Variants in ZIC5 observed in about 807,000 individuals in gnomAD.
ZIC5 encodes the protein zinc finger protein ZIC 5.
In ZIC5, 20 loss-of-function variants were observed where a neutral mutation model predicts 28.5. The observed-to-expected ratio is 0.70, with a 90% CI of 0.49 to 1.02. The LOEUF (loss-of-function observed/expected upper bound fraction) is 1.02, where lower values mean the gene tolerates loss of function less well. ZIC5 is among the 50% of genes least tolerant of loss of function. The probability of loss-of-function intolerance (pLI) is 0.00; values close to 1 mark genes in which losing one functional copy is unlikely to be tolerated. For missense variants in ZIC5, 951 were observed against 899.7 expected, an observed-to-expected ratio of 1.06 and a Z score of -0.73; for synonymous variants, 488 against 410.4, an observed-to-expected ratio of 1.19 and a Z score of -2.29.
In ZIC5 at chr13:99,971,353, G is replaced by A; in HGVS notation, c.251C>T (p.Ser84Phe). 7.0e-7 allele frequency: 1 copy of A among 1,436,150 alleles called. No homozygotes were observed. 89.0% of individuals were successfully genotyped at this position (1,436,150 alleles called of 1,614,324 possible). Residue 84 changes from serine to phenylalanine, a missense_variant, in exon 1 of 2, where the codon TCC (serine) becomes TTC (phenylalanine). Coordinates refer to ENST00000267294, the MANE Select transcript of ZIC5 (RefSeq NM_033132.5). ...CTCCGGGTGTGCCGGGAACGCCTGG[G>A]AGGGAGGGCTGAGGCCCAGCGTGCT... ...QASTLGLSPP[S>F]QAFPAHPEAP...
In ZIC5 at chr13:99,971,156, C is replaced by CA. The variant is rs1566399322; in HGVS notation, c.447dup (p.Ala150CysfsTer122). 5.0e-6 allele frequency: 6 copies of CA among 1,208,534 alleles called. No homozygotes were observed. The highest frequency in any genetic ancestry group is 6.2e-6 in the Non-Finnish European group (6 of 970,932). The allele number at this position is 1,208,534 out of a possible 1,614,324, so 74.9% of individuals were successfully genotyped here. On this transcript the variant is annotated frameshift_variant, in exon 1 of 2. Transcript: ENST00000267294. LOFTEE classifies it high-confidence loss of function. Reference sequence around the variant, plus strand: ...TTGGTGGTGGTGTAGCCCGAGAGGGCAGGAGGAGGAGGAGGCGGGGGAGGG... The same window carrying CA: ...TTGGTGGTGGTGTAGCCCGAGAGGGCAAGGAGGAGGAGGAGGCGGGGGAGGG...
Position 99,971,425 on chromosome 13 carries a change from G to T in ZIC5, c.179C>A (p.Pro60His). The T allele has an allele frequency of 6.5e-7, 1 of 1,536,520 alleles. No homozygotes were observed. The change falls in exon 1 of 2, where the codon CCC becomes CAC. Residue 60 changes from proline (P) to histidine (H), a missense_variant. By Grantham distance (77) the Pro-to-His change is moderately conservative (BLOSUM62 -2). Around this residue, in one of 3 missense-constraint regions of ZIC5, gnomAD observed 784 missense variants for 660.1 expected, o/e 1.19. Transcript: ENST00000267294. The part of the protein sequence containing the change: ...HLRLRDLGAD[P>H]GVATTPLGPE... ...TCCGAGCGGAGTGGTGGCCACGCCG[G>T]GGTCAGCGCCCAGGTCCCGCAGGCG...
In ZIC5 at chr13:99,964,287, C is replaced by T. The variant is rs1300691328; in HGVS notation, c.*1090G>A. On this transcript the variant is annotated 3_prime_UTR_variant, in exon 2 of 2. Coordinates refer to ENST00000267294, the MANE Select transcript of ZIC5 (RefSeq NM_033132.5). ...ATTGAAAAATAGACTTTTTAAAAGG[C>T]TGATACAACAGTATAAAAGAGGTGT... 9 of 152,218 alleles carry T rather than the reference C, an allele frequency of 5.9e-5. 1 individual carries two copies. The highest frequency in any genetic ancestry group is 3.9e-4 in the East Asian group (2 of 5,182). The allele number at this position is 152,218 out of a possible 1,614,324, so 9.4% of individuals were successfully genotyped here.
Position 99,970,957 on chromosome 13 carries a change from A to T in ZIC5, c.647T>A (p.Met216Lys). ...GTAGGTGCCGCTGGCGGAGATGAAC[A>T]TGCCGGCCGAGTGGGGAGGCGGGGC... ...HPAPPPHSAGMFISASGTYAG... is the reference protein window; with the variant it reads ...HPAPPPHSAGKFISASGTYAG... Residue 216 changes from methionine (M) to lysine (K), a missense_variant, in exon 1 of 2, where the codon ATG (methionine) becomes AAG (lysine). This residue lies in a region of ZIC5 where 784 missense variants were observed against 660.1 expected (regional missense o/e 1.19). Transcript: ENST00000267294. The T allele has an allele frequency of 3.6e-6, 5 of 1,397,910 alleles. No individual in the cohort carries two copies. Among genetic ancestry groups the T allele is most frequent in the Non-Finnish European group, 4.6e-6 (5 of 1,087,688 alleles). The allele number at this position is 1,397,910 out of a possible 1,614,324, so 86.6% of individuals were successfully genotyped here.
rs1343458789 is a variant in ZIC5, at chr13:99,964,299, T to C, written c.*1078A>G. 1 of 152,110 alleles carries C rather than the reference T, an allele frequency of 6.6e-6. No individual in the cohort carries two copies. Among genetic ancestry groups the C allele is most frequent in the African/African-American group, 2.4e-5 (1 of 41,432 alleles). The allele number at this position is 152,110 out of a possible 1,614,324, so 9.4% of individuals were successfully genotyped here. A position where few individuals can be genotyped will look rare whatever the true frequency, so the allele number is the denominator to read the frequency against. On this transcript the variant is annotated 3_prime_UTR_variant, in exon 2 of 2. Coordinates refer to ENST00000267294, the MANE Select transcript of ZIC5 (RefSeq NM_033132.5). ...ACTTTTTAAAAGGCTGATACAACAGTATAAAAGAGGTGTTGGCCTGTTTTA... is the reference window on the plus strand; with the variant it reads ...ACTTTTTAAAAGGCTGATACAACAGCATAAAAGAGGTGTTGGCCTGTTTTA...
In ZIC5 at chr13:99,965,234, T is replaced by TATTTATTCAGTATTTA. The variant is rs2053090225; in HGVS notation, c.*142_*143insTAAATACTGAATAAAT. On this transcript the variant is annotated 3_prime_UTR_variant, in exon 2 of 2. Coordinates refer to ENST00000267294, the MANE Select transcript of ZIC5 (RefSeq NM_033132.5). ...AATTAAATGTACAAACACCATAGGG[T>TATTTATTCAGTATTTA]TTCATACTGAATAAATAGGGCTAAT... The TATTTATTCAGTATTTA allele has an allele frequency of 3.1e-6, 2 of 653,470 alleles. No homozygotes were observed. Among genetic ancestry groups the TATTTATTCAGTATTTA allele is most frequent in the Non-Finnish European group, 5.0e-6 (2 of 399,692 alleles). 40.5% of individuals were successfully genotyped at this position (653,470 alleles called of 1,614,324 possible).
At position 99,970,989 on chromosome 13, in the gene ZIC5, C is replaced by T. The variant is rs1256826566; in HGVS notation, c.615G>A (p.Gln205=). The T allele has an allele frequency of 7.1e-6, 10 of 1,404,028 alleles. No individual in the cohort carries two copies. The highest frequency in any genetic ancestry group is 9.2e-6 in the Non-Finnish European group (10 of 1,091,630). 87.0% of individuals were successfully genotyped at this position (1,404,028 alleles called of 1,614,324 possible). The change falls in exon 1 of 2, where the codon CAG becomes CAA. Residue 205 remains glutamine, a synonymous_variant. Transcript: ENST00000267294. ...GEQRSGTGSP[Q]HPAPPPHSAG... The stretch of plus-strand genomic sequence containing the variant: ...CCGAGTGGGGAGGCGGGGCCGGGTG[C>T]TGGGGGGAGCCGGTGCCGGACCGCT...
chr13:99,966,826 T>C (rs1487146812), intron 1 of ZIC5, among the ~76,000 whole-genome samples: 2 of 152,182 alleles, frequency 1.3e-5, no homozygotes, highest in Non-Finnish European at 2.9e-5. Flanking sequence ...ACTAGAGAAA[T>C]TCAGCCACAC....
chr13:99,971,280 G>T lies in ZIC5; in HGVS notation c.324C>A (p.Gly108=). 1.5e-6 allele frequency: 2 copies of T among 1,343,364 alleles called. No individual in the cohort carries two copies. The highest frequency in any genetic ancestry group is 6.2e-5 in the East Asian group (2 of 32,272). 83.2% of individuals were successfully genotyped at this position (1,343,364 alleles called of 1,614,324 possible). The change falls in exon 1 of 2, where the codon GGC becomes GGA. Residue 108 remains glycine, a synonymous_variant. Transcript: ENST00000267294. The part of the protein sequence containing the change: ...ARAAALVAHP[G]AGSYPCGGGS... ...CCCCGCCGCAGGGGTAGCTGCCCGC[G>T]CCGGGGTGCGCGACCAAGGCTGCAG...
chr13:99,970,740 G>C lies in ZIC5; in HGVS notation c.864C>G (p.His288Gln). Reference protein sequence around the residue: ...PPFAPRSGDAHYGAVAAAAAA... With the variant: ...PPFAPRSGDAQYGAVAAAAAA... Reference sequence around the variant, plus strand: ...CCGCTGCGGCCGCAACCGCCCCGTAGTGCGCGTCCCCAGAGCGCGGCGCGA... The same window carrying C: ...CCGCTGCGGCCGCAACCGCCCCGTACTGCGCGTCCCCAGAGCGCGGCGCGA... The change falls in exon 1 of 2, where the codon CAC (histidine) becomes CAG (glutamine). Residue 288 changes from histidine to glutamine, a missense_variant. Physicochemically the swap from His to Gln is conservative, Grantham distance 24. Around this residue, in one of 3 missense-constraint regions of ZIC5, gnomAD observed 784 missense variants for 660.1 expected, o/e 1.19. Coordinates refer to ENST00000267294, the MANE Select transcript of ZIC5 (RefSeq NM_033132.5). The C allele has an allele frequency of 8.3e-7, 1 of 1,201,272 alleles. No homozygotes were observed. Among genetic ancestry groups the C allele is most frequent in the Non-Finnish European group, 1.0e-6 (1 of 966,082 alleles). The allele number at this position is 1,201,272 out of a possible 1,614,324, so 74.4% of individuals were successfully genotyped here.
intron 1 of ZIC5, among the ~76,000 whole-genome samples, chr13:99,969,076 C>G (rs756751276): frequency 2.6e-5 from 4 of 152,362 alleles, no homozygotes; most frequent in Non-Finnish European, 5.9e-5. Flanking sequence ...CGACTGCGTT[C>G]GCGCTCATCA....
At chr13:99,968,045 G>A (rs2053113422) in intron 1 of ZIC5, among the ~76,000 whole-genome samples, 2 of 152,220 alleles carry the variant, frequency 1.3e-5, no homozygotes, top group Non-Finnish European at 1.5e-5. Flanking sequence ...TCGGGCCCGC[G>A]GGACGGTTAT....
Position 99,970,688 on chromosome 13 carries a change from C to A in ZIC5, c.916G>T (p.Val306Leu). The A allele has an allele frequency of 8.4e-7, 1 of 1,193,366 alleles. No individual in the cohort carries two copies. Among genetic ancestry groups the A allele is most frequent in the South Asian group, 1.9e-5 (1 of 51,606 alleles). The allele number at this position is 1,193,366 out of a possible 1,614,324, so 73.9% of individuals were successfully genotyped here. A position where few individuals can be genotyped will look rare whatever the true frequency, so the allele number is the denominator to read the frequency against. The change falls in exon 1 of 2, where the codon GTG becomes TTG. Residue 306 changes from valine (V) to leucine (L), a missense_variant. This residue lies in a region of ZIC5 where 784 missense variants were observed against 660.1 expected (regional missense o/e 1.19). Transcript: ENST00000267294. The part of the protein sequence containing the change: ...AAAALHGYGA[V>L]NLNLNLAAAA... ...GCCGCCAGGTTCAGGTTTAAGTTCA[C>A]GGCTCCGTAGCCGTGCAGGGCGGCC...
rs1228657657 is a variant in ZIC5, at chr13:99,970,570, T to C, written c.1034A>G (p.His345Arg). 4.9e-6 allele frequency: 5 copies of C among 1,018,518 alleles called. No homozygotes were observed. Among genetic ancestry groups the C allele is most frequent in the Non-Finnish European group, 5.8e-6 (5 of 855,046 alleles). The allele number at this position is 1,018,518 out of a possible 1,614,324, so 63.1% of individuals were successfully genotyped here. ...GAGGTGGGGGTGGTGCTGGTGCGGG[T>C]GCTGCGCGGGCGCCGGCGGCGGCGG... ...APPPPPAPAQ[H>R]PHQHHPHLPG... Residue 345 changes from histidine (H) to arginine (R), a missense_variant, in exon 1 of 2, where the codon CAC becomes CGC. By Grantham distance (29) the His-to-Arg change is conservative. Around this residue, in one of 3 missense-constraint regions of ZIC5, gnomAD observed 784 missense variants for 660.1 expected, o/e 1.19. Transcript: ENST00000267294.
At position 99,971,197 on chromosome 13, in the gene ZIC5, G is replaced by A. The variant is rs2053154966; in HGVS notation, c.407C>T (p.Thr136Ile). 2.3e-6 allele frequency: 3 copies of A among 1,301,672 alleles called. No individual in the cohort carries two copies. The highest frequency in any genetic ancestry group is 2.9e-6 in the Non-Finnish European group (3 of 1,028,756). 80.6% of individuals were successfully genotyped at this position (1,301,672 alleles called of 1,614,324 possible). The stretch of plus-strand genomic sequence containing the variant: ...CGGGGGAGGGGGAGGGGGTGAAGGG[G>A]TGGGAGGAAGAGGAGGGGCTGGGGG... ...PPPPAPPLPP[T>I]PSPPPPPPPP... Residue 136 changes from threonine to isoleucine, a missense_variant, in exon 1 of 2, where the codon ACC (threonine) becomes ATC (isoleucine). Physicochemically the swap from Thr to Ile is moderately conservative, Grantham distance 89 (BLOSUM62 -1). Around this residue, in one of 3 missense-constraint regions of ZIC5, gnomAD observed 784 missense variants for 660.1 expected, o/e 1.19. Coordinates refer to ENST00000267294, the MANE Select transcript of ZIC5 (RefSeq NM_033132.5).
chr13:99,968,301 G>A (rs114086390), intron 1 of ZIC5, among the ~76,000 whole-genome samples: 45 of 152,264 alleles, frequency 3.0e-4, no homozygotes, highest in African/African-American at 1.0e-3. Flanking sequence ...CGTCCCTCCC[G>A]CAGGGACCCC....
chr13:99,965,947 T>C, intron 1 of ZIC5, 128 bp from the exon 2 acceptor site: 1 of 996,330 alleles, frequency 1.0e-6, no homozygotes. Context: ...CTAATTCTTC[T>C]TCCTAATTCA....
Position 99,970,600 on chromosome 13 carries a change from G to A in ZIC5, c.1004C>T (p.Ala335Val), listed in dbSNP as rs1321787061. ...CGCGGGCGCCGGCGGCGGCGGCGGCGCCGGGGGCGGCGCGTGGTGCTGCAG... is the reference window on the plus strand; with the variant it reads ...CGCGGGCGCCGGCGGCGGCGGCGGCACCGGGGGCGGCGCGTGGTGCTGCAG... The part of the protein sequence containing the change: ...PHLQHHAPPP[A>V]PPPPPAPAQH... The change falls in exon 1 of 2, where the codon GCG (alanine) becomes GTG (valine). Residue 335 changes from alanine to valine, a missense_variant. Transcript: ENST00000267294. 5.0e-6 allele frequency: 5 copies of A among 999,790 alleles called. No homozygotes were observed. Among genetic ancestry groups the A allele is most frequent in the Non-Finnish European group, 5.9e-6 (5 of 842,794 alleles). 61.9% of individuals were successfully genotyped at this position (999,790 alleles called of 1,614,324 possible).
In ZIC5 at chr13:99,970,692, T is replaced by G. The variant is rs1304020435; in HGVS notation, c.912A>C (p.Gly304=). 1.5e-5 allele frequency: 18 copies of G among 1,188,776 alleles called. No individual in the cohort carries two copies. Among genetic ancestry groups the G allele is most frequent in the Non-Finnish European group, 1.9e-5 (18 of 953,384 alleles). 73.6% of individuals were successfully genotyped at this position (1,188,776 alleles called of 1,614,324 possible). The change falls in exon 1 of 2, where the codon GGA becomes GGC. Residue 304 remains glycine, a synonymous_variant. Coordinates refer to ENST00000267294, the MANE Select transcript of ZIC5 (RefSeq NM_033132.5). ...AAAAAALHGY[G]AVNLNLNLAA... is the part of the protein sequence containing the mutation. ...CCAGGTTCAGGTTTAAGTTCACGGC[T>G]CCGTAGCCGTGCAGGGCGGCCGCCG...
Sources: gnomAD v4.1 joint callset for allele counts (sites outside exome capture counted in the v4.1 genomes callset) on GRCh38, gnomAD v4.1.1 for gene constraint, gnomAD v4.1.1 regional missense constraint, MANE v1.5 for transcripts, NCBI Gene and HGNC (gene_info 2026-07-23, HGNC 2026-07-21) for gene names.